STK32A: variants seen among roughly 807,000 people sequenced by gnomAD.
STK32A encodes the protein serine/threonine-protein kinase 32A.
STK32A carries 41 observed loss-of-function variants against 53.2 expected under a neutral mutation model. That is an observed-to-expected ratio of 0.77 (90% CI 0.60 to 1.00). The LOEUF (loss-of-function observed/expected upper bound fraction) is 1.00, where lower values mean the gene tolerates loss of function less well. Among genes scored for constraint, STK32A ranks in the 50% least tolerant of loss-of-function variants. The pLI, the probability that STK32A is intolerant of heterozygous loss-of-function variation, is 0.00. For synonymous variants in STK32A, 166 were observed against 162.8 expected (o/e 1.02, Z -0.15); for missense variants, 458 against 485.8 (o/e 0.94, Z 0.54).
chr5:147,294,442 AG>A (rs1752764446), intron 4 of STK32A, among the ~76,000 whole-genome samples: 1 of 151,654 alleles, frequency 6.6e-6, no homozygotes, highest in Admixed American at 6.6e-5. Context: ...TTGTATTTTT[AG>A]TACAGACGGG....
intron 2 of STK32A, among the ~76,000 whole-genome samples, chr5:147,257,337 G>C (rs9687955): frequency 0.021 from 3,151 of 152,210 alleles, 101 homozygotes; most frequent in African/African-American, 0.067. Context: ...CTAATGCCCA[G>C]TCTGATGACA....
Position 147,371,575 on chromosome 5 carries a change from A to G in STK32A, c.777+805A>G, listed in dbSNP as rs561487218. On this transcript the variant is annotated intron_variant, in intron 9 of 12. Transcript: ENST00000397936. ...TCCTCCTTGAGAGCAGTACTACTCA[A>G]TGTGGTTCACTGGTTCTAGTCCATG... Among the ~76,000 whole-genome samples the G allele has an allele frequency of 7.2e-5, 11 of 152,266 alleles. No individual in the cohort carries two copies. In the South Asian group the frequency reaches 2.3e-3, roughly 32 times the overall value.
At chr5:147,361,921 T>G (rs1217681921) in intron 8 of STK32A, among the ~76,000 whole-genome samples, 2 of 152,240 alleles carry the variant, frequency 1.3e-5, no homozygotes, top group African/African-American at 4.8e-5. Context: ...TATCTGTGTT[T>G]GTTTAAAGAA....
At chr5:147,349,196 A>C (rs1410609379) in intron 6 of STK32A, among the ~76,000 whole-genome samples, 2 of 152,232 alleles carry the variant, frequency 1.3e-5, no homozygotes, top group African/African-American at 4.8e-5. Flanking sequence ...CCTTTTTTTT[A>C]GATGAGTGCT....
intron 4 of STK32A, among the ~76,000 whole-genome samples, chr5:147,307,056 T>C (rs1399892600): frequency 6.6e-6 from 1 of 152,090 alleles, no homozygotes; most frequent in Non-Finnish European, 1.5e-5. Flanking sequence ...ACCTATCTTT[T>C]GTTTTTATGG....
At chr5:147,264,327 T>C (rs1754713651) in intron 2 of STK32A, among the ~76,000 whole-genome samples, 1 of 152,088 alleles carries the variant, frequency 6.6e-6, no homozygotes, top group African/African-American at 2.4e-5. Flanking sequence ...TAGAGATAAA[T>C]AGTCCAGACT....
chr5:147,338,309 C>T (rs184555558), intron 5 of STK32A, among the ~76,000 whole-genome samples: 104 of 152,230 alleles, frequency 6.8e-4, no homozygotes, highest in East Asian at 1.4e-3. Flanking sequence ...CCTGCCTCCA[C>T]GTAAGAGGTG....
rs1757622519 is a variant in STK32A at position 147,385,689 on chromosome 5, T to C, written c.*1706T>C. On this transcript the variant is annotated 3_prime_UTR_variant, in exon 13 of 13. Transcript: ENST00000397936. ...ATATGATGTAACTCCACTGTACAGA[T>C]ACACAGATCTTTACAGAAGAACTAT... 6.6e-6 allele frequency: 1 copy of C among 152,240 alleles called. No homozygotes were observed. The highest frequency in any genetic ancestry group is 1.5e-5 in the Non-Finnish European group (1 of 68,048). 9.4% of individuals were successfully genotyped at this position (152,240 alleles called of 1,614,324 possible). A position where few individuals can be genotyped will look rare whatever the true frequency, so the allele number is the denominator to read the frequency against.
chr5:147,361,106 C>T (rs975285901), intron 7 of STK32A, among the ~76,000 whole-genome samples: 12 of 152,188 alleles, frequency 7.9e-5, no homozygotes, highest in Non-Finnish European at 1.3e-4. Flanking sequence ...GTATGCTGTA[C>T]CAAATTCTGC....
At chr5:147,270,597 C>T (rs910893058) in intron 2 of STK32A, among the ~76,000 whole-genome samples, 2 of 152,048 alleles carry the variant, frequency 1.3e-5, no homozygotes, top group Non-Finnish European at 2.9e-5. Flanking sequence ...AATTTACTTA[C>T]CATTTTTAAG....
intron 2 of STK32A, among the ~76,000 whole-genome samples, chr5:147,268,444 T>C (rs1322919201): frequency 1.3e-5 from 2 of 150,846 alleles, no homozygotes; most frequent in African/African-American, 4.9e-5. Context: ...AACTTGAATC[T>C]ATTTTGGTAA....
intron 10 of STK32A, 51 bp downstream of exon 10, chr5:147,373,345 C>T (rs555511439): frequency 6.9e-6 from 11 of 1,601,664 alleles, no homozygotes; most frequent in East Asian, 2.2e-5. Flanking sequence ...GCGCATTACC[C>T]GGTGTGCCAG....
chr5:147,336,759 A>T (rs1755148928), intron 5 of STK32A, among the ~76,000 whole-genome samples: 1 of 152,118 alleles, frequency 6.6e-6, no homozygotes, highest in Non-Finnish European at 1.5e-5. Context: ...CGCTCTTAAC[A>T]TGGGTCTGTT....
chr5:147,356,261 T>G (rs1285393284), intron 7 of STK32A, among the ~76,000 whole-genome samples: 1 of 152,178 alleles, frequency 6.6e-6, no homozygotes, highest in Non-Finnish European at 1.5e-5. Context: ...ATGTCTGACA[T>G]TGCTAAGCTC....
intron 10 of STK32A, among the ~76,000 whole-genome samples, chr5:147,373,982 G>A (rs1165414468): frequency 1.3e-5 from 2 of 152,000 alleles, no homozygotes. Context: ...GCTTCTAAAG[G>A]GGCCTGTAGA....
intron 5 of STK32A, among the ~76,000 whole-genome samples, chr5:147,336,863 C>A (rs1755153782): frequency 6.6e-6 from 1 of 152,160 alleles, no homozygotes; most frequent in African/African-American, 2.4e-5. Context: ...TTGGCGATGG[C>A]CCAATCTGAG....
At chr5:147,380,601 A>G (rs1757414286) in intron 11 of STK32A, among the ~76,000 whole-genome samples, 1 of 152,308 alleles carries the variant, frequency 6.6e-6, no homozygotes, top group Non-Finnish European at 1.5e-5. Context: ...GGGACTGGTA[A>G]TCATCTTTTT....
intron 8 of STK32A, among the ~76,000 whole-genome samples, chr5:147,364,893 A>G (rs1756677176): frequency 6.6e-6 from 1 of 152,182 alleles, no homozygotes; most frequent in Non-Finnish European, 1.5e-5. Context: ...AACAGGTTGT[A>G]TACTCTCAAG....
At chr5:147,257,455 A>T (rs1412455335) in intron 2 of STK32A, among the ~76,000 whole-genome samples, 1 of 152,186 alleles carries the variant, frequency 6.6e-6, no homozygotes, top group Non-Finnish European at 1.5e-5. Context: ...TTTGAGGCAA[A>T]ATTGACTTGG....
Sources: gnomAD v4.1 joint callset for allele counts (sites outside exome capture counted in the v4.1 genomes callset) on GRCh38, gnomAD v4.1.1 for gene constraint, MANE v1.5 for transcripts, NCBI Gene and HGNC (gene_info 2026-07-23, HGNC 2026-07-21) for gene names.